The following ROCK1 variants were observed in gnomAD, a reference collection of about 807,000 sequenced individuals.
ROCK1 encodes the protein rho-associated protein kinase 1.
Under a neutral mutation model 196.8 loss-of-function variants are expected in ROCK1, and 36 were observed. That is an observed-to-expected ratio of 0.18 (90% CI 0.14 to 0.24). The LOEUF is 0.24. ROCK1 is among the 10% of genes least tolerant of loss of function. The pLI is 1.00. For missense variants in ROCK1, 920 were observed against 1,562.0 expected (o/e 0.59, Z 6.93); for synonymous variants, 443 against 515.9 (o/e 0.86, Z 1.91).
At chr18:21,050,068 T>G (rs2036191814) in intron 2 of ROCK1, among the ~76,000 whole-genome samples, 188 bp from the exon 3 acceptor site, 1 of 152,210 alleles carries the variant, frequency 6.6e-6, no homozygotes, top group South Asian at 2.1e-4. Context: ...TTTTTTAAAG[T>G]AAATTCCAGA....
chr18:21,025,069 T>C (rs964252400), intron 10 of ROCK1, among the ~76,000 whole-genome samples: 3 of 152,208 alleles, frequency 2.0e-5, no homozygotes, highest in Non-Finnish European at 4.4e-5. Context: ...TTCTGCAAAA[T>C]TAGTAATATA....
At chr18:21,094,911 G>T (rs1418449406) in intron 1 of ROCK1, among the ~76,000 whole-genome samples, 1 of 151,860 alleles carries the variant, frequency 6.6e-6, no homozygotes, top group Non-Finnish European at 1.5e-5. Flanking sequence ...TTAGCCAGGT[G>T]TGGTGGTGCA....
intron 1 of ROCK1, among the ~76,000 whole-genome samples, chr18:21,092,365 T>C (rs2143587038): frequency 6.6e-6 from 1 of 152,186 alleles, no homozygotes; most frequent in Non-Finnish European, 1.5e-5. Context: ...GAGGATTGCT[T>C]GAGCCCAGGA....
At chr18:21,041,395 T>G (rs2036105040) in intron 8 of ROCK1, among the ~76,000 whole-genome samples, 1 of 151,894 alleles carries the variant, frequency 6.6e-6, no homozygotes, top group Admixed American at 6.6e-5. Flanking sequence ...GTACTAGGTC[T>G]CCCTAATATT....
At chr18:21,035,407 C>T (rs1413979665) in intron 9 of ROCK1, among the ~76,000 whole-genome samples, 1 of 152,200 alleles carries the variant, frequency 6.6e-6, no homozygotes, top group Admixed American at 6.5e-5. Flanking sequence ...TGCCTACAAT[C>T]CCTGCACTTT....
intron 17 of ROCK1, among the ~76,000 whole-genome samples, chr18:20,992,366 T>C (rs774507169): frequency 6.6e-6 from 1 of 152,228 alleles, no homozygotes; most frequent in Non-Finnish European, 1.5e-5. Context: ...GAATAACCAA[T>C]GAAATTTTTA....
chr18:20,983,860 C>A (rs2035555119), intron 20 of ROCK1, among the ~76,000 whole-genome samples: 2 of 152,066 alleles, frequency 1.3e-5, no homozygotes, highest in Admixed American at 6.6e-5. Context: ...TAAGATATAT[C>A]CACTTTTGAT....
chr18:21,031,670 T>C (rs1474748383), intron 9 of ROCK1, among the ~76,000 whole-genome samples: 1 of 148,850 alleles, frequency 6.7e-6, no homozygotes, highest in Non-Finnish European at 1.5e-5. Context: ...AGATATTAGA[T>C]TTACTCAACA....
At chr18:21,073,177 A>G (rs2036402128) in intron 1 of ROCK1, among the ~76,000 whole-genome samples, 1 of 151,786 alleles carries the variant, frequency 6.6e-6, no homozygotes, top group African/African-American at 2.4e-5. Flanking sequence ...CTTTGCTACT[A>G]ATAGTTGAAC....
intron 26 of ROCK1, 52 bp downstream of exon 26, chr18:20,967,700 T>A (rs2035387150): frequency 7.6e-7 from 1 of 1,310,866 alleles, no homozygotes; most frequent in Non-Finnish European, 1.0e-6. Flanking sequence ...ACAGAAATAA[T>A]TTAAGAAAAT....
chr18:21,067,204 G>T (rs1338809360), intron 2 of ROCK1, among the ~76,000 whole-genome samples: 1 of 151,770 alleles, frequency 6.6e-6, no homozygotes, highest in Non-Finnish European at 1.5e-5. Flanking sequence ...CATGTTTACT[G>T]GCCATTTTTA....
At chr18:21,096,201 GA>G (rs1228328647) in intron 1 of ROCK1, among the ~76,000 whole-genome samples, 11 of 151,166 alleles carry the variant, frequency 7.3e-5, no homozygotes, top group Non-Finnish European at 1.5e-5. Flanking sequence ...TTTTGTCTAC[GA>G]ATTTTTTTTT....
rs906437237 is a variant in ROCK1, at chr18:20,956,830, T to C, written c.3513-1585A>G. Among the ~76,000 whole-genome samples, 4 of 152,012 alleles carry C rather than the reference T, an allele frequency of 2.6e-5. No homozygotes were observed. In the South Asian group the frequency reaches 6.2e-4, roughly 24 times the overall value. On this transcript the variant is annotated intron_variant, in intron 29 of 32. Transcript: ENST00000399799. ...TATCTAGAACTCTTAAAAACCAATC[T>C]TAAAAACATAAGCAACCCAATTTAA...
At chr18:20,969,557 A>G (rs1053814863) in intron 23 of ROCK1, among the ~76,000 whole-genome samples, 1 of 152,184 alleles carries the variant, frequency 6.6e-6, no homozygotes, top group African/African-American at 2.4e-5. Flanking sequence ...CTGGACTTCA[A>G]TATCTTTATC....
intron 22 of ROCK1, among the ~76,000 whole-genome samples, chr18:20,974,627 C>A (rs1297435076): frequency 2.0e-5 from 3 of 152,256 alleles, no homozygotes; most frequent in South Asian, 2.1e-4. Flanking sequence ...ACTGTCTTTA[C>A]TAATATTTAA....
At chr18:20,981,302 G>A (rs912572455) in intron 21 of ROCK1, among the ~76,000 whole-genome samples, 3 of 152,024 alleles carry the variant, frequency 2.0e-5, no homozygotes, top group Non-Finnish European at 2.9e-5. Flanking sequence ...GCTGAGGCAG[G>A]AGAATGGCGT....
chr18:21,105,145 T>C (rs2036692767), intron 1 of ROCK1, among the ~76,000 whole-genome samples: 1 of 152,232 alleles, frequency 6.6e-6, no homozygotes, highest in South Asian at 2.1e-4. Flanking sequence ...TACAACAATC[T>C]AGTACTTTTA....
At chr18:21,096,518 G>T (rs766111505) in intron 1 of ROCK1, among the ~76,000 whole-genome samples, 1 of 152,172 alleles carries the variant, frequency 6.6e-6, no homozygotes, top group Non-Finnish European at 1.5e-5. Context: ...AAATATTTAT[G>T]TTGGGTTCTA....
chr18:20,960,205 C>T lies in ROCK1; in HGVS notation c.3354G>A (p.Glu1118=), dbSNP rs1366094266. The change falls in exon 28 of 33, where the codon GAG becomes GAA. Residue 1118 remains glutamate (E), a splice_region_variant and synonymous_variant. Transcript: ENST00000399799. ...CTGAAAGCCAACCTTCAATTCTTGA[C>T]TCTAGGAGAAAAAGAATATATGTAT... ...SADETDGNLP[E]SRIEGWLSVP... The T allele has an allele frequency of 6.4e-7, 1 of 1,560,096 alleles. No individual in the cohort carries two copies. The highest frequency in any genetic ancestry group is 8.8e-7 in the Non-Finnish European group (1 of 1,131,296).
Sources: gnomAD v4.1 joint callset for allele counts (sites outside exome capture counted in the v4.1 genomes callset) on GRCh38, gnomAD v4.1.1 for gene constraint, MANE v1.5 for transcripts, NCBI Gene and HGNC (gene_info 2026-07-23, HGNC 2026-07-21) for gene names.